PCDHA13: variants seen among roughly 807,000 people sequenced by gnomAD.
PCDHA13 encodes protocadherin alpha 13.
PCDHA13 carries 54 observed loss-of-function variants against 64.8 expected under a neutral mutation model. That is an observed-to-expected ratio of 0.83 (90% CI 0.67 to 1.04). The LOEUF (loss-of-function observed/expected upper bound fraction) is 1.04. Ranked by LOEUF, PCDHA13 falls within the 50% of genes least tolerant of loss-of-function variation. The pLI is 0.00. For synonymous variants in PCDHA13, 587 were observed against 564.4 expected, an observed-to-expected ratio of 1.04 and a Z score of -0.57; for missense variants, 1,248 against 1,254.3, an observed-to-expected ratio of 0.99 and a Z score of 0.08.
intron 1 of PCDHA13, chr5:140,966,695 C>G: frequency 7.4e-7 from 1 of 1,358,486 alleles, no homozygotes; most frequent in Non-Finnish European, 9.5e-7. Flanking sequence ...AGGCGGGGCC[C>G]GGGCGTGGGG....
At chr5:140,981,479 C>T (rs1275257398) in intron 2 of PCDHA13, among the ~76,000 whole-genome samples, 20 of 152,148 alleles carry the variant, frequency 1.3e-4, no homozygotes, top group African/African-American at 4.8e-4. Flanking sequence ...GAGGCTGAGG[C>T]AGGAGAATTG....
At chr5:140,958,587 A>G (rs530889375) in intron 1 of PCDHA13, among the ~76,000 whole-genome samples, 36 of 152,292 alleles carry the variant, frequency 2.4e-4, no homozygotes, top group African/African-American at 8.2e-4. Context: ...AAATGAGCTT[A>G]TGATAATTGG....
At chr5:140,967,136 C>CTT (rs1401459371) in intron 1 of PCDHA13, 1 of 1,611,568 alleles carries the variant, frequency 6.2e-7, no homozygotes, top group African/African-American at 1.3e-5. Context: ...CTTGGAAGTG[C>CTT]TGGCGCACAA....
chr5:141,005,626 C>T (rs554956978), intron 3 of PCDHA13, among the ~76,000 whole-genome samples: 5 of 136,646 alleles, frequency 3.7e-5, no homozygotes, highest in South Asian at 4.9e-4. Context: ...GGCGTGAACC[C>T]GGGAGGCGGA....
intron 1 of PCDHA13, chr5:140,968,545 G>C: frequency 6.2e-7 from 1 of 1,614,182 alleles, no homozygotes; most frequent in Non-Finnish European, 8.5e-7. Flanking sequence ...CCTTCGAGAT[G>C]GTGCCTCGAA....
intron 1 of PCDHA13, chr5:140,928,482 TG>T (rs782531828): frequency 6.2e-7 from 1 of 1,614,024 alleles, no homozygotes; most frequent in African/African-American, 1.3e-5. Context: ...GCCGGGATGG[TG>T]GCATTCCTCC....
intron 1 of PCDHA13, among the ~76,000 whole-genome samples, chr5:140,962,051 T>G (rs1352018533): frequency 6.6e-6 from 1 of 151,838 alleles, no homozygotes; most frequent in East Asian, 1.9e-4. Context: ...GCCTGGCTAA[T>G]TTTTTTGTAT....
chr5:140,895,720 C>A (rs1473250558), intron 1 of PCDHA13, among the ~76,000 whole-genome samples: 2 of 152,136 alleles, frequency 1.3e-5, no homozygotes, highest in African/African-American at 4.8e-5. Flanking sequence ...ATGGCCTGCA[C>A]CTCCATTCAA....
chr5:140,936,312 C>A (rs2090900162), intron 1 of PCDHA13, among the ~76,000 whole-genome samples: 1 of 152,166 alleles, frequency 6.6e-6, no homozygotes, highest in Non-Finnish European at 1.5e-5. Context: ...ATAGAACTTT[C>A]TGACATGCTA....
At chr5:140,983,408 A>G (rs1554245369) in intron 3 of PCDHA13, among the ~76,000 whole-genome samples, 1 of 152,208 alleles carries the variant, frequency 6.6e-6, no homozygotes, top group Non-Finnish European at 1.5e-5. Flanking sequence ...GGGAAGATTA[A>G]GTGTTGGTAG....
At chr5:140,989,153 A>C (rs1409258920) in intron 3 of PCDHA13, among the ~76,000 whole-genome samples, 2 of 152,186 alleles carry the variant, frequency 1.3e-5, no homozygotes, top group Non-Finnish European at 2.9e-5. Flanking sequence ...CTTTTGTTTA[A>C]GAGTGTTGCA....
At chr5:140,903,386 T>C (rs1053060392) in intron 1 of PCDHA13, among the ~76,000 whole-genome samples, 3 of 152,222 alleles carry the variant, frequency 2.0e-5, no homozygotes, top group Non-Finnish European at 4.4e-5. Context: ...TTGTGGTTAC[T>C]TCTAGAAACA....
At chr5:140,963,198 A>G (rs2095745338) in intron 1 of PCDHA13, among the ~76,000 whole-genome samples, 1 of 151,784 alleles carries the variant, frequency 6.6e-6, no homozygotes, top group South Asian at 2.1e-4. Context: ...GTGAAAATGA[A>G]AAAAAAAACC....
intron 1 of PCDHA13, among the ~76,000 whole-genome samples, chr5:140,912,343 A>ATT (rs35252606): frequency 2.1e-4 from 30 of 143,908 alleles, no homozygotes; most frequent in African/African-American, 6.1e-4. Context: ...TACACTAAGT[A>ATT]TTTTTTTTTT....
intron 1 of PCDHA13, chr5:140,927,217 A>C: frequency 6.2e-7 from 1 of 1,614,082 alleles, no homozygotes; most frequent in Non-Finnish European, 8.5e-7. Context: ...GGAGCTGCAC[A>C]AGATTCGGAT....
At chr5:140,973,007 G>T (rs2096567856) in intron 1 of PCDHA13, among the ~76,000 whole-genome samples, 1 of 152,160 alleles carries the variant, frequency 6.6e-6, no homozygotes, top group Non-Finnish European at 1.5e-5. Context: ...TGTGGTCGTG[G>T]TGTTGTGATT....
At chr5:140,951,082 C>G (rs1563248212) in intron 1 of PCDHA13, among the ~76,000 whole-genome samples, 1 of 151,404 alleles carries the variant, frequency 6.6e-6, no homozygotes, top group African/African-American at 2.4e-5. Context: ...TTATATTTTC[C>G]TTTTTTTCTG....
chr5:140,934,000 A>G (rs2089557025), intron 1 of PCDHA13, among the ~76,000 whole-genome samples: 1 of 151,350 alleles, frequency 6.6e-6, no homozygotes, highest in Non-Finnish European at 1.5e-5. Context: ...GTCACCTCTC[A>G]TTTTTCTTGA....
chr5:141,010,272 T>C lies in PCDHA13; in HGVS notation c.*335T>C. On this transcript the variant is annotated 3_prime_UTR_variant, in exon 4 of 4. Coordinates refer to ENST00000289272, the MANE Select transcript of PCDHA13 (RefSeq NM_018904.3). ...TCTCTGCCCTGTGCTCCGGGGATCC[T>C]GTCTTGATGACACTTGCAGGGCAGG... The C allele has an allele frequency of 6.4e-7, 1 of 1,551,508 alleles. No homozygotes were observed. Among genetic ancestry groups the C allele is most frequent in the Non-Finnish European group, 8.7e-7 (1 of 1,146,940 alleles).
Sources: gnomAD v4.1 joint callset for allele counts (sites outside exome capture counted in the v4.1 genomes callset) on GRCh38, gnomAD v4.1.1 for gene constraint, MANE v1.5 for transcripts, NCBI Gene and HGNC (gene_info 2026-07-23, HGNC 2026-07-21) for gene names.